TEAD1: variants seen among roughly 807,000 people sequenced by gnomAD.
The protein encoded by TEAD1 is TEA domain transcription factor 1.
In TEAD1, 9 loss-of-function variants were observed where a neutral mutation model predicts 54.9. That is an observed-to-expected ratio of 0.16 (90% confidence interval 0.10 to 0.29). The LOEUF (loss-of-function observed/expected upper bound fraction) is 0.29. Among genes scored for constraint, TEAD1 ranks in the 10% least tolerant of loss-of-function variants. The pLI, the probability that TEAD1 is intolerant of heterozygous loss-of-function variation, is 1.00. For synonymous variants in TEAD1, 200 were observed against 187.8 expected (o/e 1.07, Z -0.53); for missense variants, 387 against 535.9 (o/e 0.72, Z 2.74).
intron 10 of TEAD1, among the ~76,000 whole-genome samples, chr11:12,906,398 G>A (rs7124175): frequency 0.016 from 2,392 of 151,770 alleles, 76 homozygotes; most frequent in African/African-American, 0.054. Context: ...AAAATTAGCC[G>A]GGTGTGGTGG....
At chr11:12,771,092 A>G (rs2133934971) in intron 3 of TEAD1, among the ~76,000 whole-genome samples, 1 of 152,338 alleles carries the variant, frequency 6.6e-6, no homozygotes, top group Admixed American at 6.5e-5. Context: ...CCATTGGGGA[A>G]AAGGAGAAGG....
intron 5 of TEAD1, among the ~76,000 whole-genome samples, chr11:12,870,571 G>A (rs962055479): frequency 3.3e-5 from 5 of 151,346 alleles, no homozygotes; most frequent in African/African-American, 9.8e-5. Flanking sequence ...CGCCCCCCCC[G>A]GGGTTGGGGC....
rs564426257 is a variant in TEAD1, at chr11:12,854,696, A to G, written c.203-7554A>G. Among the ~76,000 whole-genome samples the G allele has an allele frequency of 5.3e-5, 8 of 151,664 alleles. No homozygotes were observed. In the East Asian group the frequency reaches 7.8e-4, roughly 15 times the overall value. On this transcript the variant is annotated intron_variant, in intron 3 of 12. Transcript: ENST00000527636. ...ATGCTTGAACTCCTGGGTTCAAGCA[A>G]TCCTCCTGCTTCAGCCTCCTGAGTA...
chr11:12,719,083 C>T (rs1944125295), intron 2 of TEAD1, among the ~76,000 whole-genome samples: 3 of 151,980 alleles, frequency 2.0e-5, no homozygotes, highest in Non-Finnish European at 4.4e-5. Flanking sequence ...GGTTGGGAAG[C>T]TGTCTCTTTG....
chr11:12,811,883 A>C (rs1946308677), intron 3 of TEAD1, among the ~76,000 whole-genome samples: 1 of 151,688 alleles, frequency 6.6e-6, no homozygotes, highest in Non-Finnish European at 1.5e-5. Flanking sequence ...GGTGTGTCTA[A>C]GTTCTTTCAT....
At chr11:12,829,934 T>C (rs774985379) in intron 3 of TEAD1, among the ~76,000 whole-genome samples, 3 of 152,178 alleles carry the variant, frequency 2.0e-5, no homozygotes, top group Non-Finnish European at 4.4e-5. Flanking sequence ...AGTTCATAGC[T>C]GTCCATAGAG....
chr11:12,781,573 A>G (rs1340955650), intron 3 of TEAD1, among the ~76,000 whole-genome samples: 4 of 152,188 alleles, frequency 2.6e-5, no homozygotes, highest in East Asian at 3.9e-4. Context: ...GCTCAAAACC[A>G]TTAGCTAGCA....
At chr11:12,911,499 A>G (rs977072339) in intron 10 of TEAD1, among the ~76,000 whole-genome samples, 1 of 152,194 alleles carries the variant, frequency 6.6e-6, no homozygotes, top group Non-Finnish European at 1.5e-5. Flanking sequence ...TCAGCTCAAT[A>G]AGTTTTCCAT....
chr11:12,749,069 C>T (rs891835869), intron 2 of TEAD1, among the ~76,000 whole-genome samples: 4 of 152,154 alleles, frequency 2.6e-5, no homozygotes, highest in African/African-American at 9.7e-5. Flanking sequence ...CAGATAGATC[C>T]TTAATCAGCA....
intron 3 of TEAD1, among the ~76,000 whole-genome samples, chr11:12,831,863 T>C (rs967187303): frequency 5.3e-5 from 8 of 152,334 alleles, no homozygotes; most frequent in Admixed American, 3.9e-4. Flanking sequence ...TTTTTACTTA[T>C]TGAAATATGC....
chr11:12,714,059 T>C (rs1486993004), intron 2 of TEAD1, among the ~76,000 whole-genome samples: 4 of 152,014 alleles, frequency 2.6e-5, no homozygotes, highest in Non-Finnish European at 5.9e-5. Flanking sequence ...AGAGGGAACG[T>C]GTAGATTGAA....
intron 3 of TEAD1, among the ~76,000 whole-genome samples, chr11:12,805,221 T>A (rs1342262219): frequency 1.3e-5 from 2 of 152,212 alleles, no homozygotes; most frequent in Non-Finnish European, 2.9e-5. Flanking sequence ...GTCATCTGCC[T>A]GCAAGACACA....
At chr11:12,681,431 A>G (rs1943219177) in intron 2 of TEAD1, among the ~76,000 whole-genome samples, 1 of 152,246 alleles carries the variant, frequency 6.6e-6, no homozygotes, top group Non-Finnish European at 1.5e-5. Context: ...ATTTGAAATC[A>G]GGGAATGTGC....
chr11:12,892,150 T>G (rs1314545903), intron 9 of TEAD1, among the ~76,000 whole-genome samples: 1 of 152,236 alleles, frequency 6.6e-6, no homozygotes, highest in African/African-American at 2.4e-5. Context: ...ATGATTTAAT[T>G]TCACATTTTT....
rs71037087 is a variant in TEAD1, at chr11:12,776,757, T to TTTATTATTA, written c.202+12358_202+12366dup. 6.4e-4 allele frequency among the ~76,000 whole-genome samples: 88 copies of TTTATTATTA among 137,720 alleles called. 1 individual carries two copies. The highest frequency in any genetic ancestry group is 1.7e-3 in the Admixed American group (24 of 13,846). 90.3% of individuals were successfully genotyped at this position (137,720 alleles called of 152,430 possible). ...TTGTTCTTCAAAGCCCATTTGGATA[T>TTTATTATTA]TTATTATTATTATTATTATTATTAT... On this transcript the variant is annotated intron_variant, in intron 3 of 12. Coordinates refer to ENST00000527636, the MANE Select transcript of TEAD1 (RefSeq NM_021961.6).
intron 3 of TEAD1, among the ~76,000 whole-genome samples, chr11:12,816,220 G>A (rs1946411586): frequency 6.6e-6 from 1 of 152,114 alleles, no homozygotes; most frequent in African/African-American, 2.4e-5. Context: ...GAGGCTGGAT[G>A]AAGTCAAGCT....
At chr11:12,796,927 C>T (rs1009376410) in intron 3 of TEAD1, among the ~76,000 whole-genome samples, 4 of 151,876 alleles carry the variant, frequency 2.6e-5, no homozygotes, top group South Asian at 2.1e-4. Context: ...CTGGCTAACA[C>T]GGTGAAACCC....
At chr11:12,840,252 A>AAAAAAC (rs1947001806) in intron 3 of TEAD1, among the ~76,000 whole-genome samples, 1 of 113,764 alleles carries the variant, frequency 8.8e-6, no homozygotes, top group African/African-American at 3.7e-5. Context: ...GCCTCAAAAA[A>AAAAAAC]AAAAAAAAAA....
rs1564937737 is a variant in TEAD1, at chr11:12,781,975, AGAAAAAAAGAAAAAG to A, written c.202+17542_202+17556del. On this transcript the variant is annotated intron_variant, in intron 3 of 12. Coordinates refer to ENST00000527636, the MANE Select transcript of TEAD1 (RefSeq NM_021961.6). ...ACAAAAAAAAAAAAAAAAAAAAGAA[AGAAAAAAAGAAAAAG>A]AAAAAAAAAATTAGCCAAGCGTGGT... Among the ~76,000 whole-genome samples the A allele has an allele frequency of 3.5e-4, 46 of 132,508 alleles. 1 individual carries two copies. The highest frequency in any genetic ancestry group is 1.8e-3 in the African/African-American group (44 of 24,378). 86.9% of individuals were successfully genotyped at this position (132,508 alleles called of 152,430 possible).
Sources: gnomAD v4.1 joint callset for allele counts (sites outside exome capture counted in the v4.1 genomes callset) on GRCh38, gnomAD v4.1.1 for gene constraint, MANE v1.5 for transcripts, NCBI Gene and HGNC (gene_info 2026-07-23, HGNC 2026-07-21) for gene names.